PTCHD4: variants seen among roughly 807,000 people sequenced by gnomAD.
PTCHD4 encodes the protein patched domain-containing protein 4.
PTCHD4 carries 33 observed loss-of-function variants against 58.1 expected under a neutral mutation model. The ratio of observed to expected loss-of-function variants is 0.57; its 90% CI spans 0.43 to 0.76. PTCHD4 has a LOEUF of 0.76. PTCHD4 is among the 30% of genes least tolerant of loss of function. The probability of loss-of-function intolerance (pLI) is 0.00; values close to 1 mark genes in which losing one functional copy is unlikely to be tolerated. For synonymous variants in PTCHD4, 478 were observed against 409.6 expected (o/e 1.17, Z -2.02); for missense variants, 1,058 against 1,027.1 (o/e 1.03, Z -0.41).
At chr6:47,936,418 G>C (rs1489159214) in intron 4 of PTCHD4, among the ~76,000 whole-genome samples, 1 of 152,108 alleles carries the variant, frequency 6.6e-6, no homozygotes, top group African/African-American at 2.4e-5. Flanking sequence ...TAAACACTTT[G>C]TACTTTCAAA....
At chr6:47,936,364 A>T (rs553092895) in intron 4 of PTCHD4, among the ~76,000 whole-genome samples, 1 of 152,332 alleles carries the variant, frequency 6.6e-6, no homozygotes, top group Admixed American at 6.5e-5. Context: ...TCACTCTAAA[A>T]AGTGTTTCAG....
At chr6:47,921,038 G>C (rs1215401271) in intron 4 of PTCHD4, among the ~76,000 whole-genome samples, 1 of 151,868 alleles carries the variant, frequency 6.6e-6, no homozygotes, top group Non-Finnish European at 1.5e-5. Flanking sequence ...AAGAGACATC[G>C]ATTAAAACAA....
intron 4 of PTCHD4, among the ~76,000 whole-genome samples, chr6:47,958,782 CAG>C (rs1766967886): frequency 6.6e-6 from 1 of 152,124 alleles, no homozygotes; most frequent in Admixed American, 6.6e-5. Context: ...GGTGTTCAAA[CAG>C]GGCATGGAAT....
chr6:48,102,663 C>T (rs1562050456), intron 1 of PTCHD4, among the ~76,000 whole-genome samples: 1 of 152,222 alleles, frequency 6.6e-6, no homozygotes, highest in South Asian at 2.1e-4. Flanking sequence ...CAGGGCGAGG[C>T]ATCGCCTCAC....
chr6:48,089,880 C>T (rs1440324855), intron 1 of PTCHD4, among the ~76,000 whole-genome samples: 1 of 152,114 alleles, frequency 6.6e-6, no homozygotes, highest in Non-Finnish European at 1.5e-5. Context: ...ATTACTTTGC[C>T]TCTTTTAAAA....
chr6:47,959,274 A>G (rs1358555906), intron 4 of PTCHD4, among the ~76,000 whole-genome samples: 2 of 152,170 alleles, frequency 1.3e-5, no homozygotes, highest in African/African-American at 4.8e-5. Flanking sequence ...AAAAATGACA[A>G]TTCCTGGGAT....
At chr6:47,947,378 A>G (rs1282596402) in intron 4 of PTCHD4, among the ~76,000 whole-genome samples, 1 of 151,948 alleles carries the variant, frequency 6.6e-6, no homozygotes, top group Non-Finnish European at 1.5e-5. Context: ...CAGAGAGTTT[A>G]TATTCTCTTT....
chr6:47,939,790 G>T (rs765620138), intron 4 of PTCHD4, among the ~76,000 whole-genome samples: 1 of 152,046 alleles, frequency 6.6e-6, no homozygotes, highest in African/African-American at 2.4e-5. Context: ...TCTCACCGCA[G>T]TTTTACCTGT....
chr6:47,991,681 G>A (rs1171379635), intron 4 of PTCHD4, among the ~76,000 whole-genome samples: 1 of 151,932 alleles, frequency 6.6e-6, no homozygotes, highest in Non-Finnish European at 1.5e-5. Context: ...ATGTAAGTCG[G>A]GAGGAAGTCT....
At chr6:48,039,538 T>C (rs1282722720) in intron 3 of PTCHD4, among the ~76,000 whole-genome samples, 1 of 152,170 alleles carries the variant, frequency 6.6e-6, no homozygotes, top group African/African-American at 2.4e-5. Context: ...GGTGTTTACA[T>C]GGGTGTTTGC....
intron 4 of PTCHD4, among the ~76,000 whole-genome samples, chr6:47,914,306 G>A (rs754212580): frequency 2.6e-5 from 4 of 152,048 alleles, no homozygotes; most frequent in South Asian, 2.1e-4. Context: ...GTTATTCTGG[G>A]CATGTCTGTG....
At chr6:48,107,913 A>G (rs1765770022) in intron 1 of PTCHD4, among the ~76,000 whole-genome samples, 1 of 152,214 alleles carries the variant, frequency 6.6e-6, no homozygotes, top group Non-Finnish European at 1.5e-5. Context: ...ACCATCTCAC[A>G]CCAGTTAGAA....
chr6:47,947,699 G>A lies in PTCHD4; in HGVS notation c.898+60935C>T, dbSNP rs180857786. 4.2e-4 allele frequency among the ~76,000 whole-genome samples: 64 copies of A among 151,838 alleles called. 1 individual carries two copies. The highest frequency in any genetic ancestry group is 1.4e-3 in the African/African-American group (58 of 41,432). On this transcript the variant is annotated intron_variant, in intron 4 of 4. Coordinates refer to ENST00000339488, the MANE Select transcript of PTCHD4 (RefSeq NM_001384253.1). ...TTTCCTCTCTAGCTGCTTTTAAACC[G>A]TTTTCTTTGTCTTTAGTGTTTTATA...
chr6:48,008,864 A>C lies in PTCHD4; in HGVS notation c.668T>G (p.Phe223Cys). Residue 223 changes from phenylalanine to cysteine, a missense_variant, in exon 4 of 5, where the codon TTT (phenylalanine) becomes TGT (cysteine). Coordinates refer to ENST00000339488, the MANE Select transcript of PTCHD4 (RefSeq NM_001384253.1). ...SLASFSLWRD[F>C]HKTSILARSK... ...TCTGGCCAGGATGCTGGTCTTATGAAAGTCCCTCCAGAGGCTAAAGGATGC... is the reference window on the plus strand; with the variant it reads ...TCTGGCCAGGATGCTGGTCTTATGACAGTCCCTCCAGAGGCTAAAGGATGC... The C allele has an allele frequency of 1.2e-6, 2 of 1,613,990 alleles. No individual in the cohort carries two copies. The highest frequency in any genetic ancestry group is 1.7e-6 in the Non-Finnish European group (2 of 1,179,894).
In PTCHD4 at chr6:47,965,164, A is replaced by T. The variant is rs563310116; in HGVS notation, c.898+43470T>A. Among the ~76,000 whole-genome samples the T allele has an allele frequency of 1.6e-4, 25 of 152,340 alleles. No individual in the cohort carries two copies. The South Asian group carries it at 5.0e-3, about 30-fold the overall frequency. Reference sequence around the variant, plus strand: ...GGGAAAAATGTTTTCAAATAAAAAAATTCCTCAGTGTAATTTCCCTTGTGT... The same window carrying T: ...GGGAAAAATGTTTTCAAATAAAAAATTTCCTCAGTGTAATTTCCCTTGTGT... On this transcript the variant is annotated intron_variant, in intron 4 of 4. Transcript: ENST00000339488.
chr6:48,101,950 C>CT (rs1765612683), intron 1 of PTCHD4, among the ~76,000 whole-genome samples: 1 of 152,156 alleles, frequency 6.6e-6, no homozygotes, highest in Non-Finnish European at 1.5e-5. Context: ...AATTACAAGT[C>CT]TTTTTCCCAA....
rs1166913548 is a variant in PTCHD4, at chr6:47,869,056, G to T, written c.*9247C>A. 1.3e-5 allele frequency among the ~76,000 whole-genome samples: 2 copies of T among 151,606 alleles called. No homozygotes were observed. Among genetic ancestry groups the T allele is most frequent in the African/African-American group, 4.8e-5 (2 of 41,340 alleles). On this transcript the variant is annotated 3_prime_UTR_variant, in exon 5 of 5. Transcript: ENST00000339488. ...TTGCAATGATAAAGCTTTTGAAGTG[G>T]CTTGTGGAATATTAAATTGTTTAAG... is the stretch of plus-strand genomic sequence containing the variant.
At chr6:48,037,440 G>A (rs1301302154) in intron 3 of PTCHD4, among the ~76,000 whole-genome samples, 12 of 152,232 alleles carry the variant, frequency 7.9e-5, no homozygotes, top group Non-Finnish European at 1.5e-4. Flanking sequence ...TGCTTACACC[G>A]AAGCAGTGTA....
intron 3 of PTCHD4, among the ~76,000 whole-genome samples, chr6:48,024,129 A>G (rs1354303392): frequency 6.6e-6 from 1 of 152,176 alleles, no homozygotes; most frequent in Non-Finnish European, 1.5e-5. Flanking sequence ...TTGATGAGAG[A>G]TAGCACCCTG....
Sources: gnomAD v4.1 joint callset for allele counts (sites outside exome capture counted in the v4.1 genomes callset) on GRCh38, gnomAD v4.1.1 for gene constraint, MANE v1.5 for transcripts, NCBI Gene and HGNC (gene_info 2026-07-23, HGNC 2026-07-21) for gene names.